The following TAFA1 variants were observed in gnomAD, a reference collection of about 807,000 sequenced individuals.
TAFA1 encodes the protein chemokine-like protein TAFA-1.
TAFA1 carries 4 observed loss-of-function variants against 18.5 expected under a neutral mutation model. That is an observed-to-expected ratio of 0.22 (90% CI 0.11 to 0.49). TAFA1 has a LOEUF of 0.49. Ranked by LOEUF, TAFA1 falls within the 20% of genes least tolerant of loss-of-function variation. The pLI is 0.98. For missense variants in TAFA1, 147 were observed against 169.0 expected (o/e 0.87, Z 0.72); for synonymous variants, 56 against 55.2 (o/e 1.01, Z -0.06).
At chr3:68,040,469 G>A (rs936924040) in intron 2 of TAFA1, among the ~76,000 whole-genome samples, 3 of 152,102 alleles carry the variant, frequency 2.0e-5, no homozygotes, top group African/African-American at 2.4e-5. Flanking sequence ...TGACTCTGAA[G>A]CTCTAATGTA....
At chr3:68,473,964 G>T (rs1252464643) in intron 3 of TAFA1, among the ~76,000 whole-genome samples, 1 of 151,544 alleles carries the variant, frequency 6.6e-6, no homozygotes, top group Non-Finnish European at 1.5e-5. Context: ...AATGAAGAAA[G>T]TTTTCAAGGA....
intron 2 of TAFA1, among the ~76,000 whole-genome samples, chr3:68,068,838 T>C (rs971445921): frequency 2.6e-5 from 4 of 152,192 alleles, no homozygotes; most frequent in Non-Finnish European, 4.4e-5. Flanking sequence ...GGGGCTAACA[T>C]TTTGGAGCAC....
At chr3:68,491,064 C>T (rs2072443179) in intron 3 of TAFA1, among the ~76,000 whole-genome samples, 1 of 152,016 alleles carries the variant, frequency 6.6e-6, no homozygotes, top group Non-Finnish European at 1.5e-5. Flanking sequence ...GTCTTAAACT[C>T]CCAGGCTCAA....
At chr3:68,029,675 A>T (rs1269540028) in intron 2 of TAFA1, among the ~76,000 whole-genome samples, 1 of 152,226 alleles carries the variant, frequency 6.6e-6, no homozygotes, top group Non-Finnish European at 1.5e-5. Context: ...TAGCATATGA[A>T]CTATAATACA....
chr3:68,240,957 A>C (rs2066989303), intron 2 of TAFA1, among the ~76,000 whole-genome samples: 1 of 152,180 alleles, frequency 6.6e-6, no homozygotes, highest in African/African-American at 2.4e-5. Context: ...TATTTCTGCC[A>C]AAGAAAGCTT....
intron 2 of TAFA1, among the ~76,000 whole-genome samples, chr3:68,068,725 T>C (rs558901109): frequency 8.5e-4 from 129 of 152,216 alleles, no homozygotes; most frequent in Non-Finnish European, 1.6e-3. Flanking sequence ...TGGTTTGTCA[T>C]CTCTCTTCCA....
intron 2 of TAFA1, among the ~76,000 whole-genome samples, chr3:68,228,055 A>G (rs2066825823): frequency 6.6e-6 from 1 of 152,196 alleles, no homozygotes; most frequent in South Asian, 2.1e-4. Context: ...ATGGAAAGAT[A>G]GAACACAGGC....
intron 2 of TAFA1, among the ~76,000 whole-genome samples, chr3:68,054,153 A>G (rs1164352369): frequency 6.6e-6 from 1 of 152,134 alleles, no homozygotes; most frequent in African/African-American, 2.4e-5. Context: ...GTCCCTTCCA[A>G]ATTTCACATT....
At chr3:68,178,042 G>T (rs1342028532) in intron 2 of TAFA1, among the ~76,000 whole-genome samples, 1 of 152,052 alleles carries the variant, frequency 6.6e-6, no homozygotes, top group South Asian at 2.1e-4. Context: ...TACTCGGGAG[G>T]CTGAGGCAGG....
intron 2 of TAFA1, among the ~76,000 whole-genome samples, chr3:68,133,817 G>A (rs558857911): frequency 3.7e-4 from 56 of 152,068 alleles, no homozygotes; most frequent in African/African-American, 1.3e-3. Flanking sequence ...AAGTGGCAGA[G>A]GACACAGTCT....
chr3:68,475,071 G>T (rs562253948), intron 3 of TAFA1, among the ~76,000 whole-genome samples: 5 of 152,038 alleles, frequency 3.3e-5, no homozygotes, highest in African/African-American at 9.6e-5. Context: ...AATCTCTCTT[G>T]CTCAGGGTCA....
At chr3:68,088,721 A>C (rs2064999349) in intron 2 of TAFA1, among the ~76,000 whole-genome samples, 5 of 152,226 alleles carry the variant, frequency 3.3e-5, no homozygotes, top group African/African-American at 1.2e-4. Context: ...CTCTGAGCCA[A>C]GGAGTGATTT....
At chr3:68,380,983 C>A (rs1207669712) in intron 2 of TAFA1, among the ~76,000 whole-genome samples, 1 of 147,766 alleles carries the variant, frequency 6.8e-6, no homozygotes, top group African/African-American at 2.5e-5. Flanking sequence ...CAGCTTTCTA[C>A]ATATGGCTAG....
chr3:68,156,886 G>T (rs1047395739), intron 2 of TAFA1, among the ~76,000 whole-genome samples: 2 of 152,084 alleles, frequency 1.3e-5, no homozygotes, highest in Non-Finnish European at 2.9e-5. Context: ...AAGAGGTTAT[G>T]TTACTTCTCT....
intron 3 of TAFA1, among the ~76,000 whole-genome samples, chr3:68,458,445 T>C (rs754058952): frequency 6.6e-6 from 1 of 152,200 alleles, no homozygotes; most frequent in Non-Finnish European, 1.5e-5. Flanking sequence ...CATGGACATT[T>C]GATAAGCCAG....
intron 2 of TAFA1, among the ~76,000 whole-genome samples, chr3:68,280,873 C>G (rs66663812): frequency 6.6e-6 from 1 of 151,938 alleles, no homozygotes; most frequent in Non-Finnish European, 1.5e-5. Flanking sequence ...TTCTTCTCAA[C>G]TTTGTGTTCT....
At chr3:68,064,721 T>A (rs1041922791) in intron 2 of TAFA1, among the ~76,000 whole-genome samples, 2 of 113,540 alleles carry the variant, frequency 1.8e-5, no homozygotes, top group African/African-American at 3.2e-5. Context: ...TTTTGTGTAA[T>A]TTTTTTTGCC....
chr3:68,417,408 T>C lies in TAFA1; in HGVS notation c.247T>C (p.Ser83Pro). The C allele has an allele frequency of 6.2e-7, 1 of 1,613,560 alleles. No individual in the cohort carries two copies. Among genetic ancestry groups the C allele is most frequent in the East Asian group, 2.2e-5 (1 of 44,822 alleles). Residue 83 changes from serine to proline, a missense_variant, in exon 3 of 5, where the codon TCT (serine) becomes CCT (proline). Coordinates refer to ENST00000478136, the MANE Select transcript of TAFA1 (RefSeq NM_213609.4). Reference sequence around the variant, plus strand: ...GGCTGGAACAACAAGAAACCGGCCTTCTTGCGTCGATGGTAGGTACCTGGT... The same window carrying C: ...GGCTGGAACAACAAGAAACCGGCCTCCTTGCGTCGATGGTAGGTACCTGGT... The part of the protein sequence containing the change: ...KVAGTTRNRP[S>P]CVDASIVIGK...
At chr3:68,060,700 G>A (rs1055040813) in intron 2 of TAFA1, among the ~76,000 whole-genome samples, 2 of 152,070 alleles carry the variant, frequency 1.3e-5, no homozygotes, top group Non-Finnish European at 2.9e-5. Context: ...GTTGAGCTGT[G>A]GGTCTTTGTC....
Sources: allele counts gnomAD v4.1 joint callset (sites outside exome capture counted in the v4.1 genomes callset), GRCh38; gene constraint gnomAD v4.1.1; transcripts MANE v1.5; gene names NCBI Gene and HGNC (gene_info 2026-07-23, HGNC 2026-07-21).